Variants in BANK1 observed in about 807,000 individuals in gnomAD.
The protein encoded by BANK1 is B-cell scaffold protein with ankyrin repeats.
In BANK1, 95 loss-of-function variants were observed where a neutral mutation model predicts 94.5. That is an observed-to-expected ratio of 1.00 (90% CI 0.85 to 1.19). The LOEUF (loss-of-function observed/expected upper bound fraction) is 1.19. Ranked by LOEUF, BANK1 falls within the 50% of genes most tolerant of loss-of-function variation. The pLI is 0.00. For missense variants in BANK1, 987 were observed against 932.2 expected (o/e 1.06, Z -0.77); for synonymous variants, 334 against 308.4 (o/e 1.08, Z -0.87).
At chr4:101,965,356 T>G (rs1182706231) in intron 7 of BANK1, among the ~76,000 whole-genome samples, 1 of 149,138 alleles carries the variant, frequency 6.7e-6, no homozygotes, top group Non-Finnish European at 1.5e-5. Context: ...AAAAAAACAG[T>G]GACACAAAAC....
intron 7 of BANK1, among the ~76,000 whole-genome samples, chr4:101,961,835 G>A (rs1424865936): frequency 6.6e-6 from 1 of 152,002 alleles, no homozygotes; most frequent in African/African-American, 2.4e-5. Context: ...TGTCCAATGG[G>A]GTCCCTTAAG....
At chr4:101,855,296 C>A in intron 3 of BANK1, 107 bp downstream of exon 3, 7 of 1,101,226 alleles carry the variant, frequency 6.4e-6, no homozygotes, top group Non-Finnish European at 8.9e-6. Flanking sequence ...CCAGGCTGGT[C>A]TTTAACTCCT....
chr4:101,975,123 A>G (rs551711957), intron 7 of BANK1, among the ~76,000 whole-genome samples: 2 of 152,294 alleles, frequency 1.3e-5, no homozygotes, highest in East Asian at 3.9e-4. Context: ...CAGTGGAAAA[A>G]TTCTCCAAAA....
Position 102,074,513 on chromosome 4 carries a change from C to T in BANK1, c.*514C>T, listed in dbSNP as rs1248965706. On this transcript the variant is annotated 3_prime_UTR_variant, in exon 17 of 17. Transcript: ENST00000322953. ...TACATCATGTTTGCAGAAACCTTGT[C>T]TTATTTAGTGTCTATTTGCATATAA... 6 of 152,000 alleles carry T rather than the reference C, an allele frequency of 3.9e-5. No individual in the cohort carries two copies. The highest frequency in any genetic ancestry group is 8.8e-5 in the Non-Finnish European group (6 of 67,880). The allele number at this position is 152,000 out of a possible 1,614,324, so 9.4% of individuals were successfully genotyped here. A position where few individuals can be genotyped will look rare whatever the true frequency, so the allele number is the denominator to read the frequency against.
At chr4:101,808,801 G>A (rs1322340389) in intron 1 of BANK1, among the ~76,000 whole-genome samples, 1 of 152,080 alleles carries the variant, frequency 6.6e-6, no homozygotes, top group Non-Finnish European at 1.5e-5. Flanking sequence ...ACCACAATGA[G>A]ATACCACCTT....
intron 7 of BANK1, among the ~76,000 whole-genome samples, chr4:101,946,600 A>G (rs1723938678): frequency 6.6e-6 from 1 of 151,908 alleles, no homozygotes; most frequent in Admixed American, 6.6e-5. Flanking sequence ...GGATTTGAAA[A>G]CCGAGATGGA....
At chr4:102,002,224 T>C (rs1726101673) in intron 7 of BANK1, among the ~76,000 whole-genome samples, 1 of 152,214 alleles carries the variant, frequency 6.6e-6, no homozygotes, top group Non-Finnish European at 1.5e-5. Flanking sequence ...ACGTATGATC[T>C]TATTGGATGT....
intron 1 of BANK1, among the ~76,000 whole-genome samples, chr4:101,798,156 A>G (rs1725223042): frequency 6.6e-6 from 1 of 152,236 alleles, no homozygotes. Context: ...TGAAACTTAC[A>G]GATGACCTTA....
intron 7 of BANK1, 28 bp from the exon 8 acceptor site, chr4:102,021,486 A>C: frequency 9.4e-7 from 1 of 1,067,142 alleles, no homozygotes; most frequent in Non-Finnish European, 1.4e-6. Flanking sequence ...AGATTAATGC[A>C]TATTATTAAA....
intron 1 of BANK1, among the ~76,000 whole-genome samples, chr4:101,805,408 C>A (rs1458568220): frequency 6.6e-6 from 1 of 151,952 alleles, no homozygotes; most frequent in South Asian, 2.1e-4. Flanking sequence ...AAAGGGTAAC[C>A]TCTGGCATCA....
chr4:101,835,345 C>A (rs1726783105), intron 2 of BANK1, among the ~76,000 whole-genome samples: 2 of 152,286 alleles, frequency 1.3e-5, no homozygotes, highest in East Asian at 1.9e-4. Context: ...AACTCTGCCC[C>A]CGTCACTTCT....
intron 1 of BANK1, among the ~76,000 whole-genome samples, chr4:101,795,947 A>T (rs2060504286): frequency 6.6e-6 from 1 of 152,220 alleles, no homozygotes; most frequent in African/African-American, 2.4e-5. Flanking sequence ...TGTCAGGCTT[A>T]TACAGAGTTG....
chr4:102,019,678 T>A (rs1176428498), intron 7 of BANK1, among the ~76,000 whole-genome samples: 1 of 152,208 alleles, frequency 6.6e-6, no homozygotes, highest in East Asian at 1.9e-4. Context: ...AAGCCATCAT[T>A]GATTTTATTG....
intron 6 of BANK1, among the ~76,000 whole-genome samples, chr4:101,903,093 G>A (rs948728205): frequency 6.6e-6 from 1 of 152,140 alleles, no homozygotes; most frequent in African/African-American, 2.4e-5. Context: ...GAAGTATAGG[G>A]CGTCTGGAAA....
At chr4:101,862,710 T>A in intron 4 of BANK1, 46 bp downstream of exon 4, 2 of 1,492,420 alleles carry the variant, frequency 1.3e-6, no homozygotes, top group South Asian at 2.8e-5. Context: ...TATCCTGAGT[T>A]CCTTCCAATA....
At chr4:102,073,104 C>A (rs1427667065) in intron 15 of BANK1, among the ~76,000 whole-genome samples, 1 of 151,890 alleles carries the variant, frequency 6.6e-6, no homozygotes, top group Non-Finnish European at 1.5e-5. Context: ...TTTAATAACC[C>A]TTTAAGTTCC....
chr4:101,950,637 G>C (rs930397142), intron 7 of BANK1, among the ~76,000 whole-genome samples: 2 of 152,112 alleles, frequency 1.3e-5, no homozygotes, highest in Non-Finnish European at 2.9e-5. Flanking sequence ...TTTAAAAAAC[G>C]TGAGTTCCAC....
At chr4:102,055,803 C>G (rs943316738) in intron 11 of BANK1, among the ~76,000 whole-genome samples, 1 of 152,082 alleles carries the variant, frequency 6.6e-6, no homozygotes, top group Non-Finnish European at 1.5e-5. Flanking sequence ...CCTCTCAACT[C>G]TTTCTATAAT....
At chr4:101,904,631 GC>G (rs1722387509) in intron 6 of BANK1, among the ~76,000 whole-genome samples, 1 of 152,050 alleles carries the variant, frequency 6.6e-6, no homozygotes, top group Non-Finnish European at 1.5e-5. Context: ...CCCATTTCAT[GC>G]ATTGTATGTT....
Sources: gnomAD v4.1 joint callset for allele counts (sites outside exome capture counted in the v4.1 genomes callset) on GRCh38, gnomAD v4.1.1 for gene constraint, MANE v1.5 for transcripts, NCBI Gene and HGNC (gene_info 2026-07-23, HGNC 2026-07-21) for gene names.